LYRM4: variants seen among roughly 807,000 people sequenced by gnomAD.
The protein encoded by LYRM4 is LYR motif-containing protein 4.
Under a neutral mutation model 11.7 loss-of-function variants are expected in LYRM4, and 9 were observed. That is an observed-to-expected ratio of 0.77 (90% confidence interval 0.46 to 1.34). The LOEUF is 1.34. Ranked by LOEUF, LYRM4 falls within the 40% of genes most tolerant of loss-of-function variation. The probability of loss-of-function intolerance (pLI) is 0.00; values close to 1 mark genes in which losing one functional copy is unlikely to be tolerated. For synonymous variants in LYRM4, 42 were observed against 40.4 expected (o/e 1.04, Z -0.15); for missense variants, 133 against 112.5 (o/e 1.18, Z -0.82).
chr6:5,127,220 A>G (rs1200741726), intron 2 of LYRM4, among the ~76,000 whole-genome samples: 1 of 152,042 alleles, frequency 6.6e-6, no homozygotes, highest in Non-Finnish European at 1.5e-5. Flanking sequence ...AAAGTGCTGG[A>G]ATTACAGGCA....
At chr6:5,119,834 G>T (rs959486508) in intron 2 of LYRM4, among the ~76,000 whole-genome samples, 1 of 137,498 alleles carries the variant, frequency 7.3e-6, no homozygotes, top group Non-Finnish European at 1.6e-5. Flanking sequence ...CCACAAAAAA[G>T]GCCCACCATG....
At chr6:5,144,554 G>A (rs1000836814) in intron 2 of LYRM4, among the ~76,000 whole-genome samples, 4 of 141,994 alleles carry the variant, frequency 2.8e-5, no homozygotes, top group South Asian at 2.2e-4. Context: ...GGAGAATGGC[G>A]TGAACCTGGG....
the LYRM4 span, among the ~76,000 whole-genome samples, chr6:5,082,029 A>C: frequency 7.9e-5 from 12 of 152,346 alleles, no homozygotes; most frequent in African/African-American, 2.4e-4. Context: ...TCTGTCTTCT[A>C]TCTCTTCCCT....
chr6:5,170,175 G>A (rs973437414), intron 2 of LYRM4, among the ~76,000 whole-genome samples: 1 of 152,156 alleles, frequency 6.6e-6, no homozygotes, highest in Non-Finnish European at 1.5e-5. Context: ...GAGAAAGGGG[G>A]CAAGGTAAAT....
At chr6:5,054,097 C>A in the LYRM4 span, 3 of 984,766 alleles carry the variant, frequency 3.0e-6, no homozygotes, top group Non-Finnish European at 3.6e-6. Context: ...GGAACTAACG[C>A]CAGATGCCTC....
chr6:5,190,799 T>C (rs1760708111), intron 2 of LYRM4, among the ~76,000 whole-genome samples: 1 of 152,182 alleles, frequency 6.6e-6, no homozygotes, highest in African/African-American at 2.4e-5. Context: ...TCTTAGATAA[T>C]ACAATCTTGG....
chr6:5,229,100 A>G (rs1222883198), intron 1 of LYRM4, among the ~76,000 whole-genome samples: 2 of 152,148 alleles, frequency 1.3e-5, no homozygotes, highest in South Asian at 4.1e-4. Context: ...GGTTTTAAAA[A>G]TATTTGTTAA....
chr6:5,108,646 G>A lies in LYRM4; in HGVS notation c.*777C>T. On this transcript the variant is annotated 3_prime_UTR_variant, in exon 3 of 3. Coordinates refer to ENST00000330636, the MANE Select transcript of LYRM4 (RefSeq NM_020408.6). ...GCTTCTGTCCACCAGCCAGATTTGG[G>A]CACCGGTGCTGCCCAGCATGCCCCA... is the stretch of plus-strand genomic sequence containing the variant. 1 of 488,096 alleles carries A rather than the reference G, an allele frequency of 2.0e-6. No homozygotes were observed. The highest frequency in any genetic ancestry group is 2.7e-6 in the Non-Finnish European group (1 of 374,962). The allele number at this position is 488,096 out of a possible 1,614,324, so 30.2% of individuals were successfully genotyped here. A position where few individuals can be genotyped will look rare whatever the true frequency, so the allele number is the denominator to read the frequency against.
rs563852841 is a variant in LYRM4, at chr6:5,260,577, C to T, written c.86+71G>A. On this transcript the variant is annotated intron_variant, in intron 1 of 2. Coordinates refer to ENST00000330636, the MANE Select transcript of LYRM4 (RefSeq NM_020408.6). ...TGGCTCCCAGTCCCCGGGGATATTC[C>T]GCGTCAGCCCGCACCCCCGGTCCCC... The T allele has an allele frequency of 4.0e-6, 6 of 1,518,380 alleles. No individual in the cohort carries two copies. In the East Asian group the frequency reaches 1.5e-4, roughly 37 times the overall value. The allele number at this position is 1,518,380 out of a possible 1,614,324, so 94.1% of individuals were successfully genotyped here. A position where few individuals can be genotyped will look rare whatever the true frequency, so the allele number is the denominator to read the frequency against.
At chr6:5,047,769 C>T in the LYRM4 span, among the ~76,000 whole-genome samples, 1 of 152,182 alleles carries the variant, frequency 6.6e-6, no homozygotes, top group African/African-American at 2.4e-5. Context: ...TGTATTTGGA[C>T]TGTGAACACC....
At chr6:5,093,363 C>G in the LYRM4 span, among the ~76,000 whole-genome samples, 1 of 152,266 alleles carries the variant, frequency 6.6e-6, no homozygotes, top group Non-Finnish European at 1.5e-5. Context: ...TGACCCATCA[C>G]TATCTAGAGC....
At position 5,202,510 on chromosome 6, in the gene LYRM4, T is replaced by C. The variant is rs117080598; in HGVS notation, c.207+14108A>G. On this transcript the variant is annotated intron_variant, in intron 2 of 2. Coordinates refer to ENST00000330636, the MANE Select transcript of LYRM4 (RefSeq NM_020408.6). The stretch of plus-strand genomic sequence containing the variant: ...ATCCCAAGAGGCTGCAAAAGGATGA[T>C]GTGGGCACTGGATGGACCATGTGGC... Among the ~76,000 whole-genome samples the C allele has an allele frequency of 5.5e-4, 84 of 152,322 alleles. No individual in the cohort carries two copies. The East Asian group carries it at 0.013, about 24-fold the overall frequency.
intron 1 of LYRM4, among the ~76,000 whole-genome samples, chr6:5,239,267 C>T: frequency 6.6e-6 from 1 of 152,192 alleles, no homozygotes; most frequent in Non-Finnish European, 1.5e-5. Flanking sequence ...AGTGAAGTGA[C>T]TTCCAGCTTG....
intron 2 of LYRM4, among the ~76,000 whole-genome samples, chr6:5,109,803 G>A (rs955240567): frequency 6.6e-6 from 1 of 152,244 alleles, no homozygotes; most frequent in African/African-American, 2.4e-5. Context: ...GCTGTCAGAT[G>A]TGTGCCCAGT....
rs1385311415 is a variant in LYRM4, at chr6:5,245,107, AAAAAAAATATATATATATATATAT to A, written c.86+15517_86+15540del. Reference sequence around the variant, plus strand: ...AAGACCTTAAAAAAAAAAAAAAAAAAAAAAAAATATATATATATATATATATATATATATATATATATATATATA... The same window carrying A: ...AAGACCTTAAAAAAAAAAAAAAAAAAATATATATATATATATATATATATA... On this transcript the variant is annotated intron_variant, in intron 1 of 2. Coordinates refer to ENST00000330636, the MANE Select transcript of LYRM4 (RefSeq NM_020408.6). 1.0e-3 allele frequency among the ~76,000 whole-genome samples: 51 copies of A among 49,706 alleles called. 2 individuals are homozygous for A. The highest frequency in any genetic ancestry group is 3.7e-3 in the African/African-American group (44 of 11,740). 32.6% of individuals were successfully genotyped at this position (49,706 alleles called of 152,430 possible).
chr6:5,048,281 A>G, the LYRM4 span, among the ~76,000 whole-genome samples: 1 of 137,940 alleles, frequency 7.2e-6, no homozygotes, highest in Admixed American at 7.6e-5. Context: ...ACAGGCTTTG[A>G]CACTTTGTGG....
At chr6:5,240,321 C>T (rs1182916122) in intron 1 of LYRM4, among the ~76,000 whole-genome samples, 1 of 152,154 alleles carries the variant, frequency 6.6e-6, no homozygotes, top group Non-Finnish European at 1.5e-5. Context: ...ACTCCCCCTC[C>T]TCTGCTGACA....
chr6:5,172,200 T>C (rs1759469767), intron 2 of LYRM4, among the ~76,000 whole-genome samples: 1 of 152,156 alleles, frequency 6.6e-6, no homozygotes, highest in Non-Finnish European at 1.5e-5. Flanking sequence ...GGGTGGCAGC[T>C]GATCTAAAAG....
At chr6:5,160,550 C>T (rs1758693778) in intron 2 of LYRM4, among the ~76,000 whole-genome samples, 1 of 152,010 alleles carries the variant, frequency 6.6e-6, no homozygotes, top group Non-Finnish European at 1.5e-5. Context: ...TGAGCACCAC[C>T]AAGGCTGTTT....
Sources: allele counts gnomAD v4.1 joint callset (sites outside exome capture counted in the v4.1 genomes callset), GRCh38; gene constraint gnomAD v4.1.1; transcripts MANE v1.5; gene names NCBI Gene and HGNC (gene_info 2026-07-23, HGNC 2026-07-21).